The following DLGAP1 variants were observed in gnomAD, a reference collection of about 807,000 sequenced individuals.
DLGAP1 encodes disks large-associated protein 1.
Under a neutral mutation model 90.8 loss-of-function variants are expected in DLGAP1, and 11 were observed. The observed-to-expected ratio is 0.12, with a 90% CI of 0.08 to 0.20. DLGAP1 has a LOEUF of 0.20. Ranked by LOEUF, DLGAP1 falls within the 10% of genes least tolerant of loss-of-function variation. DLGAP1 has a pLI of 1.00. For missense variants in DLGAP1, 1,050 were observed against 1,333.8 expected, an observed-to-expected ratio of 0.79 and a Z score of 3.31; for synonymous variants, 558 against 540.7, an observed-to-expected ratio of 1.03 and a Z score of -0.44.
chr18:4,213,338 C>G (rs1435009592), intron 1 of DLGAP1, among the ~76,000 whole-genome samples: 2 of 152,108 alleles, frequency 1.3e-5, no homozygotes, highest in Non-Finnish European at 1.5e-5. Flanking sequence ...ATGGCAGAAA[C>G]TGAGGCAAGA....
In DLGAP1 at chr18:3,879,434, A is replaced by C; in HGVS notation, c.635T>G (p.Met212Arg). ...GCCCGAGGGGGCGTGGTAGATGCACATGTCACCATCCAGGTTGTCGTCCGA... is the reference window on the plus strand; with the variant it reads ...GCCCGAGGGGGCGTGGTAGATGCACCTGTCACCATCCAGGTTGTCGTCCGA... ...WSSDDNLDGDMCIYHAPSGVM... is the reference protein window; with the variant it reads ...WSSDDNLDGDRCIYHAPSGVM... Residue 212 changes from methionine (M) to arginine (R), a missense_variant, in exon 4 of 13, where the codon ATG becomes AGG. Physicochemically the swap from Met to Arg is moderately conservative, Grantham distance 91. Coordinates refer to ENST00000315677, the MANE Select transcript of DLGAP1 (RefSeq NM_004746.4). The surrounding 1 kb of genome is among the most constrained non-coding windows in gnomAD (Gnocchi z 6.6). 6.2e-7 allele frequency: 1 copy of C among 1,609,436 alleles called. No individual in the cohort carries two copies. Among genetic ancestry groups the C allele is most frequent in the Non-Finnish European group, 8.5e-7 (1 of 1,179,944 alleles).
chr18:3,827,453 C>G lies in DLGAP1; in HGVS notation c.958-13180G>C, dbSNP rs145278342. ...ATTGACTTCTTCCCGTGATCTTAATCCCATGGGACACTAAGTCAGCAACGT... is the reference window on the plus strand; with the variant it reads ...ATTGACTTCTTCCCGTGATCTTAATGCCATGGGACACTAAGTCAGCAACGT... On this transcript the variant is annotated intron_variant, in intron 4 of 12. Coordinates refer to ENST00000315677, the MANE Select transcript of DLGAP1 (RefSeq NM_004746.4). Among the ~76,000 whole-genome samples the G allele has an allele frequency of 3.1e-3, 479 of 152,290 alleles. 2 individuals carry two copies. Among genetic ancestry groups the G allele is most frequent in the African/African-American group, 1.0e-2 (414 of 41,552 alleles).
At position 3,649,388 on chromosome 18, in the gene DLGAP1, G is replaced by C. The variant is rs140305196; in HGVS notation, c.1592-67140C>G. On this transcript the variant is annotated intron_variant, in intron 7 of 12. Coordinates refer to ENST00000315677, the MANE Select transcript of DLGAP1 (RefSeq NM_004746.4). ...ACACGAGGAGTCGCTTCCCTCTAAG[G>C]ACTCTCAAAGGGGAGAAGCAAGGAT... Among the ~76,000 whole-genome samples, 354 of 152,304 alleles carry C rather than the reference G, an allele frequency of 2.3e-3. 1 individual carries two copies. The highest frequency in any genetic ancestry group is 8.1e-3 in the African/African-American group (338 of 41,574).
intron 7 of DLGAP1, among the ~76,000 whole-genome samples, chr18:3,651,178 G>A (rs1483784008): frequency 1.3e-5 from 2 of 151,874 alleles, no homozygotes; most frequent in Non-Finnish European, 2.9e-5. Context: ...GGCCAACATG[G>A]TGAAACCCCC....
intron 7 of DLGAP1, among the ~76,000 whole-genome samples, chr18:3,611,174 A>G (rs555630273): frequency 2.1e-4 from 32 of 151,598 alleles, no homozygotes; most frequent in African/African-American, 7.3e-4. Context: ...TTAATTTACT[A>G]TATGTTTGTT....
At chr18:4,436,164 G>A (rs2083394178) in intron 1 of DLGAP1, among the ~76,000 whole-genome samples, 1 of 152,124 alleles carries the variant, frequency 6.6e-6, no homozygotes, top group Non-Finnish European at 1.5e-5. Flanking sequence ...GGAGATACTG[G>A]TAATGATTTC....
intron 1 of DLGAP1, among the ~76,000 whole-genome samples, chr18:4,449,903 A>G (rs1296196888): frequency 6.6e-6 from 1 of 152,184 alleles, no homozygotes; most frequent in African/African-American, 2.4e-5. Context: ...AGTGAGTCTT[A>G]TCTGAACTAC....
Position 4,383,586 on chromosome 18 carries a change from T to C in DLGAP1, c.-267+71420A>G, listed in dbSNP as rs541682875. ...AGACAAAACCGAGTATCCTTGCTCA[T>C]TAAAAAAAAAGGGATGTTTACCTAT... On this transcript the variant is annotated intron_variant, in intron 1 of 12. Transcript: ENST00000315677. This position sits in a 1 kb window ranked among gnomAD's most constrained non-coding sequence, Gnocchi z 4.0. 5.3e-4 allele frequency among the ~76,000 whole-genome samples: 80 copies of C among 151,896 alleles called. No individual in the cohort carries two copies. Among genetic ancestry groups the C allele is most frequent in the Admixed American group, 3.7e-3 (57 of 15,250 alleles).
intron 1 of DLGAP1, among the ~76,000 whole-genome samples, chr18:4,194,125 G>A (rs1039930871): frequency 6.6e-6 from 1 of 152,066 alleles, no homozygotes; most frequent in African/African-American, 2.4e-5. Flanking sequence ...ACTGAGCATA[G>A]TAGCCAACAG....
intron 7 of DLGAP1, among the ~76,000 whole-genome samples, chr18:3,712,981 CAG>C (rs1353685855): frequency 1.2e-4 from 18 of 152,278 alleles, no homozygotes; most frequent in Admixed American, 9.2e-4. Flanking sequence ...GGGCAGGACA[CAG>C]TGAATATTTG....
At position 3,546,902 on chromosome 18, in the gene DLGAP1, T is replaced by C. The variant is rs2053062359; in HGVS notation, c.2058-12287A>G. On this transcript the variant is annotated intron_variant, in intron 9 of 12. Transcript: ENST00000315677. ...AATGAAGGAGTAAACAGAAAAACTATACAGAAGAATAAAGAAATAAAAAGC... is the reference window on the plus strand; with the variant it reads ...AATGAAGGAGTAAACAGAAAAACTACACAGAAGAATAAAGAAATAAAAAGC... Among the ~76,000 whole-genome samples the C allele has an allele frequency of 2.0e-5, 3 of 151,436 alleles. No homozygotes were observed. In the South Asian group the frequency reaches 6.2e-4, roughly 31 times the overall value.
intron 1 of DLGAP1, among the ~76,000 whole-genome samples, chr18:4,211,846 CT>C (rs2077847928): frequency 6.6e-6 from 1 of 152,142 alleles, no homozygotes; most frequent in African/African-American, 2.4e-5. Flanking sequence ...TGAAGATTTT[CT>C]GAATTAGATT....
chr18:3,523,651 T>G (rs374341865), intron 10 of DLGAP1, among the ~76,000 whole-genome samples: 56 of 151,616 alleles, frequency 3.7e-4, no homozygotes, highest in African/African-American at 8.7e-4. Context: ...ATCGAGACCA[T>G]CCTGGCTAAC....
chr18:3,567,595 CAAAT>C lies in DLGAP1; in HGVS notation c.1966-18_1966-15del. 1.9e-6 allele frequency: 3 copies of C among 1,607,612 alleles called. No individual in the cohort carries two copies. The highest frequency in any genetic ancestry group is 4.5e-5 in the East Asian group (2 of 44,838). Reference sequence around the variant, plus strand: ...AGCATCATCCACCTGGAGAAATCATCAAATAAATAGAGTTGTTCCATTTCAGTCA... The same window carrying C: ...AGCATCATCCACCTGGAGAAATCATCAAATAGAGTTGTTCCATTTCAGTCA... On this transcript the variant is annotated splice_polypyrimidine_tract_variant and intron_variant, in intron 8 of 12. Transcript: ENST00000315677.
At chr18:4,050,367 C>A (rs973180889) in intron 2 of DLGAP1, among the ~76,000 whole-genome samples, 1 of 152,114 alleles carries the variant, frequency 6.6e-6, no homozygotes, top group Non-Finnish European at 1.5e-5. Flanking sequence ...TTGAAATATG[C>A]AAATACTTTT....
At chr18:4,100,072 AATATTCTT>A (rs2075756199) in intron 2 of DLGAP1, among the ~76,000 whole-genome samples, 1 of 152,180 alleles carries the variant, frequency 6.6e-6, no homozygotes, top group Non-Finnish European at 1.5e-5. Context: ...CAGGCTGGTG[AATATTCTT>A]AATAGCATCT....
At chr18:4,119,440 C>A (rs2076117217) in intron 2 of DLGAP1, among the ~76,000 whole-genome samples, 2 of 152,272 alleles carry the variant, frequency 1.3e-5, no homozygotes, top group Middle Eastern at 3.4e-3. Context: ...TAGTGCACTG[C>A]AGGACAGAGC....
At chr18:3,567,683 G>T in intron 8 of DLGAP1, 102 bp from the exon 9 acceptor site, 1 of 1,031,334 alleles carries the variant, frequency 9.7e-7, no homozygotes, top group Non-Finnish European at 1.5e-6. Flanking sequence ...TGACTGGAAT[G>T]TTTTGTAATT....
intron 2 of DLGAP1, among the ~76,000 whole-genome samples, chr18:4,124,590 T>C (rs1313074689): frequency 1.3e-5 from 2 of 152,250 alleles, no homozygotes; most frequent in Non-Finnish European, 2.9e-5. Flanking sequence ...TGGCCTTGTT[T>C]TCAGAAATCC....
Sources: allele counts gnomAD v4.1 joint callset (sites outside exome capture counted in the v4.1 genomes callset), GRCh38; gene constraint gnomAD v4.1.1; non-coding constraint Gnocchi (gnomAD v3.1); transcripts MANE v1.5; gene names NCBI Gene and HGNC (gene_info 2026-07-23, HGNC 2026-07-21).